Variants in MCHR2 observed in about 807,000 individuals in gnomAD.
MCHR2 encodes melanin-concentrating hormone receptor 2.
MCHR2 carries 15 observed loss-of-function variants against 24.8 expected under a neutral mutation model. That is an observed-to-expected ratio of 0.60 (90% CI 0.40 to 0.93). The LOEUF is 0.93. Among genes scored for constraint, MCHR2 ranks in the 40% least tolerant of loss-of-function variants. The pLI is 0.00. For synonymous variants in MCHR2, 151 were observed against 147.6 expected (o/e 1.02, Z -0.17); for missense variants, 386 against 408.7 (o/e 0.94, Z 0.48).
chr6:99,958,595 G>A (rs72938071), intron 1 of MCHR2, among the ~76,000 whole-genome samples: 4,058 of 152,122 alleles, frequency 0.027, 165 homozygotes, highest in East Asian at 0.12. Context: ...GGAAATCTCA[G>A]ACCCTCTTTC....
At chr6:99,965,886 T>C (rs1165430307) in intron 1 of MCHR2, among the ~76,000 whole-genome samples, 1 of 152,212 alleles carries the variant, frequency 6.6e-6, no homozygotes, top group African/African-American at 2.4e-5. Flanking sequence ...TACAGGAAGA[T>C]AGCTCGCCAC....
intron 2 of MCHR2, among the ~76,000 whole-genome samples, chr6:99,953,055 T>C (rs1172933507): frequency 1.3e-5 from 2 of 152,178 alleles, no homozygotes; most frequent in Non-Finnish European, 2.9e-5. Context: ...TTCCATAAGT[T>C]ACAGCTCAGA....
intron 4 of MCHR2, among the ~76,000 whole-genome samples, chr6:99,940,852 G>A (rs927978262): frequency 6.6e-6 from 1 of 152,080 alleles, no homozygotes; most frequent in African/African-American, 2.4e-5. Context: ...ATATCCCGGA[G>A]GTGTGGGAAG....
chr6:99,969,248 G>C (rs113122864), intron 1 of MCHR2, among the ~76,000 whole-genome samples: 1 of 152,030 alleles, frequency 6.6e-6, no homozygotes, highest in Admixed American at 6.6e-5. Context: ...GGCTGAGGCG[G>C]GAGGATCACG....
chr6:99,943,244 C>G (rs769244318), intron 3 of MCHR2, 101 bp from the exon 4 acceptor site: 156 of 757,394 alleles, frequency 2.1e-4, no homozygotes, highest in Non-Finnish European at 2.8e-4. Flanking sequence ...CATTATTTTC[C>G]TTTCTGAAGC....
chr6:99,932,522 A>C (rs1037086866), intron 5 of MCHR2, among the ~76,000 whole-genome samples: 27 of 152,238 alleles, frequency 1.8e-4, no homozygotes, highest in African/African-American at 6.5e-4. Context: ...AAACCTAGCA[A>C]ATACCACCTT....
chr6:99,966,138 C>T (rs1486900295), intron 1 of MCHR2, among the ~76,000 whole-genome samples: 1 of 152,086 alleles, frequency 6.6e-6, no homozygotes, highest in African/African-American at 2.4e-5. Context: ...AAGATGGGAG[C>T]TTCAAAGAGT....
chr6:99,924,344 TA>T (rs979729290), intron 5 of MCHR2, among the ~76,000 whole-genome samples: 7 of 152,054 alleles, frequency 4.6e-5, no homozygotes, highest in East Asian at 3.9e-4. Context: ...TGTTTAACTT[TA>T]AAAAAAATCA....
intron 5 of MCHR2, among the ~76,000 whole-genome samples, chr6:99,929,723 T>A (rs1346499656): frequency 6.6e-6 from 1 of 152,092 alleles, no homozygotes; most frequent in Non-Finnish European, 1.5e-5. Flanking sequence ...ATTTTGAGCC[T>A]ATGTGTGTCT....
chr6:99,988,862 A>G (rs1041753712), intron 1 of MCHR2, among the ~76,000 whole-genome samples: 2 of 152,174 alleles, frequency 1.3e-5, no homozygotes, highest in African/African-American at 2.4e-5. Context: ...CTTTTTCCAT[A>G]TAATGAATGG....
intron 4 of MCHR2, among the ~76,000 whole-genome samples, chr6:99,937,776 G>T (rs1177719513): frequency 3.3e-5 from 5 of 150,632 alleles, no homozygotes; most frequent in Admixed American, 6.6e-5. Context: ...AGTTTGAAGA[G>T]AATTGGTATT....
At chr6:99,951,175 GT>G (rs1289525031) in intron 2 of MCHR2, among the ~76,000 whole-genome samples, 1 of 152,078 alleles carries the variant, frequency 6.6e-6, no homozygotes, top group Non-Finnish European at 1.5e-5. Context: ...GGGTGTAGAA[GT>G]GGCTTCCTGC....
rs201873494 is a variant in MCHR2 at position 99,942,957 on chromosome 6, A to T, written c.579T>A (p.Asp193Glu). 1.4e-5 allele frequency: 22 copies of T among 1,610,696 alleles called. No homozygotes were observed. The highest frequency in any genetic ancestry group is 1.7e-5 in the Non-Finnish European group (20 of 1,178,140). Residue 193 changes from aspartate to glutamate, a missense_variant, in exon 4 of 6, where the codon GAT (aspartate) becomes GAA (glutamate). Coordinates refer to ENST00000281806, the MANE Select transcript of MCHR2 (RefSeq NM_001040179.2). ...AAGTTTTCACAACTTACCAGAGTAC[A>T]TCGTCAGGGGATGTCAAATCAAAAG... is the stretch of plus-strand genomic sequence containing the variant. ...SCAFDLTSPD[D>E]VLWYTLYLTI...
intron 3 of MCHR2, among the ~76,000 whole-genome samples, chr6:99,944,875 G>A (rs1161223027): frequency 6.6e-6 from 1 of 152,102 alleles, no homozygotes. Flanking sequence ...TCAAGCTGGA[G>A]CCTGTGCCAG....
intron 2 of MCHR2, among the ~76,000 whole-genome samples, chr6:99,948,778 T>C (rs1418642842): frequency 6.6e-6 from 1 of 152,210 alleles, no homozygotes; most frequent in Admixed American, 6.6e-5. Flanking sequence ...AAATGATTTC[T>C]GTTGTCTAAT....
chr6:99,947,883 G>A lies in MCHR2; in HGVS notation c.271C>T (p.His91Tyr). The A allele has an allele frequency of 6.2e-7, 1 of 1,613,774 alleles. No individual in the cohort carries two copies. Among genetic ancestry groups the A allele is most frequent in the South Asian group, 1.1e-5 (1 of 91,076 alleles). The change falls in exon 3 of 6, where the codon CAC becomes TAC. Residue 91 changes from histidine (H) to tyrosine (Y), a missense_variant. Physicochemically the swap from His to Tyr is moderately conservative, Grantham distance 83. Coordinates refer to ENST00000281806, the MANE Select transcript of MCHR2 (RefSeq NM_001040179.2). ...CACTCTCCCCCTCGGGCCCATTGGTGAATAAGAAAAGGCATTCCAACTATG... is the reference window on the plus strand; with the variant it reads ...CACTCTCCCCCTCGGGCCCATTGGTAAATAAGAAAAGGCATTCCAACTATG... ...VHIVGMPFLI[H>Y]QWARGGEWVF...
rs1404985833 is a variant in MCHR2 at position 99,993,955 on chromosome 6, C to G, written c.-47G>C. Reference sequence around the variant, plus strand: ...CGTCACCTGGGTGCTCGCGTCCTCCCCGCGCGGCGGACAGCCCGGGCGCCC... The same window carrying G: ...CGTCACCTGGGTGCTCGCGTCCTCCGCGCGCGGCGGACAGCCCGGGCGCCC... On this transcript the variant is annotated 5_prime_UTR_variant, in exon 1 of 6. Transcript: ENST00000281806. 2.0e-5 allele frequency: 3 copies of G among 152,152 alleles called. No individual in the cohort carries two copies. Among genetic ancestry groups the G allele is most frequent in the Non-Finnish European group, 4.4e-5 (3 of 68,088 alleles). 9.4% of individuals were successfully genotyped at this position (152,152 alleles called of 1,614,324 possible). A position where few individuals can be genotyped will look rare whatever the true frequency, so the allele number is the denominator to read the frequency against.
chr6:99,959,858 TA>T (rs536681215), intron 1 of MCHR2, among the ~76,000 whole-genome samples: 3 of 149,052 alleles, frequency 2.0e-5, no homozygotes, highest in African/African-American at 7.4e-5. Flanking sequence ...TAATAATAGG[TA>T]AAAAAAGCCT....
intron 5 of MCHR2, among the ~76,000 whole-genome samples, chr6:99,922,904 A>ATT (rs56705526): frequency 1.4e-3 from 216 of 151,336 alleles, no homozygotes; most frequent in African/African-American, 4.6e-3. Context: ...AAATTTTAAG[A>ATT]TTTTTTTTTC....
Sources: gnomAD v4.1 joint callset for allele counts (sites outside exome capture counted in the v4.1 genomes callset) on GRCh38, gnomAD v4.1.1 for gene constraint, MANE v1.5 for transcripts, NCBI Gene and HGNC (gene_info 2026-07-23, HGNC 2026-07-21) for gene names.